PRKCQ: variants seen among roughly 807,000 people sequenced by gnomAD.
The protein encoded by PRKCQ is protein kinase C theta type.
A neutral mutation model predicts 91.2 loss-of-function variants in PRKCQ; 41 were observed. The ratio of observed to expected loss-of-function variants is 0.45; its 90% CI spans 0.35 to 0.58. The LOEUF is 0.58. PRKCQ is among the 20% of genes least tolerant of loss of function. PRKCQ has a pLI of 0.00. For synonymous variants in PRKCQ, 307 were observed against 316.9 expected, an observed-to-expected ratio of 0.97 and a Z score of 0.33; for missense variants, 673 against 896.5, an observed-to-expected ratio of 0.75 and a Z score of 3.18.
intron 16 of PRKCQ, among the ~76,000 whole-genome samples, chr10:6,435,916 C>T (rs907138349): frequency 2.6e-5 from 4 of 152,240 alleles, no homozygotes; most frequent in African/African-American, 9.6e-5. Context: ...GAATTTGAGA[C>T]CTGCCTGGGG....
intron 15 of PRKCQ, among the ~76,000 whole-genome samples, chr10:6,446,042 G>A (rs2132272585): frequency 6.6e-6 from 1 of 152,326 alleles, no homozygotes. Flanking sequence ...ACCTTAGGAG[G>A]AAGAAGTAAA....
chr10:6,492,407 T>G (rs2130805398), intron 7 of PRKCQ, among the ~76,000 whole-genome samples: 1 of 152,314 alleles, frequency 6.6e-6, no homozygotes, highest in East Asian at 1.9e-4. Context: ...ACACGCATCA[T>G]CTATTACATA....
intron 1 of PRKCQ, among the ~76,000 whole-genome samples, chr10:6,551,688 G>A (rs187363587): frequency 2.0e-5 from 3 of 152,222 alleles, no homozygotes; most frequent in South Asian, 4.1e-4. Flanking sequence ...GAGCCACCAC[G>A]CCCAGCCCAC....
Position 6,576,017 on chromosome 10 carries a change from C to T in PRKCQ, c.-10+4194G>A, listed in dbSNP as rs965935783. Among the ~76,000 whole-genome samples, 6 of 151,946 alleles carry T rather than the reference C, an allele frequency of 3.9e-5. No homozygotes were observed. The highest frequency in any genetic ancestry group is 2.1e-4 in the South Asian group (1 of 4,792). Reference sequence around the variant, plus strand: ...ATCATGCCACTGCACTCCAGCCTGGCGACACAGCGAGACTCCATCTCAAAA... The same window carrying T: ...ATCATGCCACTGCACTCCAGCCTGGTGACACAGCGAGACTCCATCTCAAAA... On this transcript the variant is annotated intron_variant, in intron 1 of 17. Coordinates refer to ENST00000263125, the MANE Select transcript of PRKCQ (RefSeq NM_006257.5). The surrounding 1 kb of genome is among the most constrained non-coding windows in gnomAD (Gnocchi z 4.2).
At chr10:6,524,586 T>TA (rs1839130952) in intron 1 of PRKCQ, among the ~76,000 whole-genome samples, 1 of 152,236 alleles carries the variant, frequency 6.6e-6, no homozygotes, top group African/African-American at 2.4e-5. Context: ...TGGGGACAGG[T>TA]ACGGGTAGAC....
chr10:6,483,295 T>C (rs1836714492), intron 11 of PRKCQ, 145 bp downstream of exon 11: 2 of 1,065,664 alleles, frequency 1.9e-6, no homozygotes, highest in Admixed American at 4.5e-5. Flanking sequence ...TCGGGGTCCC[T>C]ATTTATTCAG....
At chr10:6,473,012 C>T (rs921268729) in intron 12 of PRKCQ, among the ~76,000 whole-genome samples, 6 of 152,194 alleles carry the variant, frequency 3.9e-5, no homozygotes, top group African/African-American at 9.7e-5. Flanking sequence ...CGTGCCTGGC[C>T]GCCTCCTGCC....
chr10:6,537,288 G>A (rs1022473983), intron 1 of PRKCQ, among the ~76,000 whole-genome samples: 2 of 152,160 alleles, frequency 1.3e-5, no homozygotes, highest in Admixed American at 6.5e-5. Flanking sequence ...TACCTCTTAA[G>A]GAAATAAATG....
chr10:6,464,306 C>T lies in PRKCQ; in HGVS notation c.1445+7G>A, dbSNP rs757977809. ...GGAAAACTCCCAAACCCTTTAAAGC[C>T]TCTTACGTCGCTCTGGAAAGGTCGA... On this transcript the variant is annotated splice_region_variant and intron_variant, in intron 13 of 17. Transcript: ENST00000263125. 9.9e-6 allele frequency: 16 copies of T among 1,611,930 alleles called. 1 individual carries two copies. In the Admixed American group the frequency reaches 2.7e-4, roughly 27 times the overall value.
At chr10:6,403,269 A>G in the PRKCQ span, among the ~76,000 whole-genome samples, 1 of 152,248 alleles carries the variant, frequency 6.6e-6, no homozygotes, top group Non-Finnish European at 1.5e-5. Flanking sequence ...CAAGGACACC[A>G]TAGTGTGGCA....
the PRKCQ span, among the ~76,000 whole-genome samples, chr10:6,409,544 C>T: frequency 1.3e-5 from 2 of 152,222 alleles, no homozygotes; most frequent in African/African-American, 4.8e-5. Flanking sequence ...CTCCGCCCGC[C>T]TCGGCCTCCC....
the PRKCQ span, among the ~76,000 whole-genome samples, chr10:6,411,143 A>G: frequency 1.2e-4 from 19 of 152,276 alleles, no homozygotes; most frequent in East Asian, 3.3e-3. Context: ...ATGAGAGAGG[A>G]GTCTACATAG....
intron 15 of PRKCQ, among the ~76,000 whole-genome samples, chr10:6,452,830 C>A (rs1481425984): frequency 0.014 from 1,531 of 112,506 alleles, no homozygotes; most frequent in East Asian, 0.019. Flanking sequence ...GGAAAGGATT[C>A]CCTATTTAAT....
chr10:6,531,649 G>C (rs1253078953), intron 1 of PRKCQ, among the ~76,000 whole-genome samples: 2 of 151,982 alleles, frequency 1.3e-5, no homozygotes, highest in Non-Finnish European at 2.9e-5. Flanking sequence ...GAGGGACTCT[G>C]TCTCTCTCTC....
At chr10:6,524,261 T>C (rs534711596) in intron 1 of PRKCQ, among the ~76,000 whole-genome samples, 1 of 152,366 alleles carries the variant, frequency 6.6e-6, no homozygotes, top group African/African-American at 2.4e-5. Flanking sequence ...CTTTGACTTA[T>C]GTTATCTCCA....
chr10:6,416,637 A>G, the PRKCQ span, among the ~76,000 whole-genome samples: 1 of 152,182 alleles, frequency 6.6e-6, no homozygotes, highest in Non-Finnish European at 1.5e-5. Flanking sequence ...GGTTGGTTTC[A>G]TATCTTTGCA....
intron 15 of PRKCQ, among the ~76,000 whole-genome samples, chr10:6,448,565 C>A (rs916887115): frequency 1.8e-4 from 28 of 152,208 alleles, no homozygotes; most frequent in Admixed American, 5.2e-4. Context: ...CGTGCCACCA[C>A]ACCCAGCTAA....
At chr10:6,474,838 C>T (rs1464555599) in intron 12 of PRKCQ, among the ~76,000 whole-genome samples, 3 of 152,002 alleles carry the variant, frequency 2.0e-5, no homozygotes, top group African/African-American at 7.3e-5. Context: ...GTAATGGAAA[C>T]TGTTAAAAAT....
At chr10:6,468,792 T>C (rs1394269142) in intron 12 of PRKCQ, among the ~76,000 whole-genome samples, 1 of 152,128 alleles carries the variant, frequency 6.6e-6, no homozygotes, top group East Asian at 1.9e-4. Context: ...GTATCATATG[T>C]TAAGGACACG....
Sources: gnomAD v4.1 joint callset for allele counts (sites outside exome capture counted in the v4.1 genomes callset) on GRCh38, gnomAD v4.1.1 for gene constraint, Gnocchi (gnomAD v3.1) non-coding constraint, MANE v1.5 for transcripts, NCBI Gene and HGNC (gene_info 2026-07-23, HGNC 2026-07-21) for gene names.